Variants in CSMD1 observed in about 807,000 individuals in gnomAD.
CSMD1 encodes CUB and Sushi multiple domains 1.
In CSMD1, 213 loss-of-function variants were observed where a neutral mutation model predicts 417.5. That is an observed-to-expected ratio of 0.51 (90% confidence interval 0.46 to 0.57). CSMD1 has a LOEUF of 0.57. Among genes scored for constraint, CSMD1 ranks in the 20% least tolerant of loss-of-function variants. CSMD1 has a pLI of 0.00. For synonymous variants in CSMD1, 2,862 were observed against 1,736.8 expected, an observed-to-expected ratio of 1.65 and a Z score of -16.11; for missense variants, 6,923 against 4,529.7, an observed-to-expected ratio of 1.53 and a Z score of -15.17.
At chr8:3,364,632 T>A (rs1270332997) in intron 20 of CSMD1, among the ~76,000 whole-genome samples, 1 of 152,162 alleles carries the variant, frequency 6.6e-6, no homozygotes, top group Non-Finnish European at 1.5e-5. Flanking sequence ...CCACCCTCAT[T>A]AATGGATTAA....
chr8:4,392,533 G>A (rs556078616), intron 3 of CSMD1, among the ~76,000 whole-genome samples: 2 of 152,112 alleles, frequency 1.3e-5, no homozygotes, highest in East Asian at 3.9e-4. Flanking sequence ...AGATGGGAGT[G>A]TCATTGGTCA....
chr8:3,736,226 T>G (rs1364457998), intron 6 of CSMD1, among the ~76,000 whole-genome samples: 1 of 152,104 alleles, frequency 6.6e-6, no homozygotes, highest in Non-Finnish European at 1.5e-5. Context: ...CATTTGTGTG[T>G]GTGTGTATTT....
intron 2 of CSMD1, among the ~76,000 whole-genome samples, chr8:4,435,744 G>C (rs1798113901): frequency 6.6e-6 from 1 of 152,176 alleles, no homozygotes; most frequent in Non-Finnish European, 1.5e-5. Context: ...TCTTGGCCAT[G>C]TGGCTACAAT....
At chr8:3,948,033 C>G (rs926486406) in intron 5 of CSMD1, among the ~76,000 whole-genome samples, 2 of 152,074 alleles carry the variant, frequency 1.3e-5, no homozygotes, top group African/African-American at 4.8e-5. Flanking sequence ...TGGTAAAACC[C>G]CGTCTCTACT....
At chr8:4,822,306 C>CCTTGCCCA (rs1343074415) in intron 1 of CSMD1, among the ~76,000 whole-genome samples, 1 of 152,070 alleles carries the variant, frequency 6.6e-6, no homozygotes, top group Non-Finnish European at 1.5e-5. Context: ...ACCACTGAAG[C>CCTTGCCCA]CTTGCCCACT....
chr8:3,297,201 C>A (rs1380051345), intron 25 of CSMD1, among the ~76,000 whole-genome samples: 1 of 152,058 alleles, frequency 6.6e-6, no homozygotes, highest in Non-Finnish European at 1.5e-5. Flanking sequence ...GAGAGGTATA[C>A]AATATCAAGG....
chr8:4,056,187 T>C (rs907051095), intron 3 of CSMD1, among the ~76,000 whole-genome samples: 22 of 145,762 alleles, frequency 1.5e-4, no homozygotes, highest in African/African-American at 5.5e-4. Context: ...GTTCGAGCAA[T>C]TCTCTTGCCT....
intron 1 of CSMD1, among the ~76,000 whole-genome samples, chr8:4,727,586 A>G (rs1369478703): frequency 9.9e-5 from 15 of 152,166 alleles, no homozygotes. Flanking sequence ...TTTCTTACCT[A>G]ACGTCTTCTA....
At chr8:4,756,770 T>C (rs1585049858) in intron 1 of CSMD1, among the ~76,000 whole-genome samples, 3 of 152,216 alleles carry the variant, frequency 2.0e-5, no homozygotes, top group African/African-American at 7.2e-5. Flanking sequence ...CTGGGAGTCA[T>C]CTTGGGCATT....
At chr8:4,898,106 G>A (rs568077821) in intron 1 of CSMD1, among the ~76,000 whole-genome samples, 17 of 152,126 alleles carry the variant, frequency 1.1e-4, no homozygotes, top group Admixed American at 7.2e-4. Context: ...TGAAGCAAAC[G>A]AATAAGTAAA....
chr8:4,311,503 A>T (rs1798567402), intron 3 of CSMD1, among the ~76,000 whole-genome samples: 1 of 152,124 alleles, frequency 6.6e-6, no homozygotes, highest in Non-Finnish European at 1.5e-5. Context: ...TGGGCAGATC[A>T]CCTGAGATCA....
chr8:3,751,651 T>C lies in CSMD1; in HGVS notation c.931+2279A>G, dbSNP rs1797349227. 2.0e-5 allele frequency among the ~76,000 whole-genome samples: 3 copies of C among 151,900 alleles called. No individual in the cohort carries two copies. In the South Asian group the frequency reaches 6.2e-4, roughly 31 times the overall value. ...ATTAATTACATATTTTTTTTAACTT[T>C]TAAAATCAACGTCTGATACATCTAA... On this transcript the variant is annotated intron_variant, in intron 6 of 69. Transcript: ENST00000635120.
At chr8:4,873,810 A>AG in intron 1 of CSMD1, among the ~76,000 whole-genome samples, 1 of 152,214 alleles carries the variant, frequency 6.6e-6, no homozygotes, top group South Asian at 2.1e-4. Flanking sequence ...CATAAAGGCC[A>AG]TTTCTTATAA....
intron 10 of CSMD1, among the ~76,000 whole-genome samples, chr8:3,558,499 TGCCTC>T (rs1799293887): frequency 6.7e-6 from 1 of 150,056 alleles, no homozygotes; most frequent in Non-Finnish European, 1.5e-5. Flanking sequence ...TGATGAACGG[TGCCTC>T]AATGGTACCC....
At chr8:3,791,738 G>A (rs182494838) in intron 5 of CSMD1, among the ~76,000 whole-genome samples, 2 of 152,046 alleles carry the variant, frequency 1.3e-5, no homozygotes, top group Non-Finnish European at 2.9e-5. Flanking sequence ...CAAGAGAATC[G>A]CTTGAGCCTG....
At chr8:4,767,214 G>C (rs1021788918) in intron 1 of CSMD1, among the ~76,000 whole-genome samples, 1 of 152,162 alleles carries the variant, frequency 6.6e-6, no homozygotes, top group African/African-American at 2.4e-5. Flanking sequence ...ATAATTTGCA[G>C]ATGTACACTG....
chr8:4,237,847 G>T (rs1175230279), intron 3 of CSMD1, among the ~76,000 whole-genome samples: 2 of 152,216 alleles, frequency 1.3e-5, no homozygotes, highest in African/African-American at 2.4e-5. Flanking sequence ...GCTTTATATT[G>T]TATTATTTTT....
chr8:4,252,986 G>A (rs997265879), intron 3 of CSMD1, among the ~76,000 whole-genome samples: 1 of 152,186 alleles, frequency 6.6e-6, no homozygotes, highest in Non-Finnish European at 1.5e-5. Flanking sequence ...AAGCCTATGA[G>A]TTTTAAAGCC....
At chr8:4,929,595 T>C (rs966524550) in intron 1 of CSMD1, among the ~76,000 whole-genome samples, 6 of 152,210 alleles carry the variant, frequency 3.9e-5, no homozygotes, top group Admixed American at 2.0e-4. Context: ...TTCAGTCCAT[T>C]TGTCTACAAA....
Sources: allele counts gnomAD v4.1 joint callset (sites outside exome capture counted in the v4.1 genomes callset), GRCh38; gene constraint gnomAD v4.1.1; transcripts MANE v1.5; gene names NCBI Gene and HGNC (gene_info 2026-07-23, HGNC 2026-07-21).